The following SPI1 variants were observed in gnomAD, a reference collection of about 807,000 sequenced individuals.
SPI1 encodes the protein Spi-1 proto-oncogene, also known as transcription factor PU.1.
In SPI1, 3 loss-of-function variants were observed where a neutral mutation model predicts 30.7. The ratio of observed to expected loss-of-function variants is 0.10; its 90% confidence interval spans 0.04 to 0.25. SPI1 has a LOEUF of 0.25. Ranked by LOEUF, SPI1 falls within the 10% of genes least tolerant of loss-of-function variation. SPI1 has a pLI of 1.00. For missense variants in SPI1, 261 were observed against 371.5 expected (o/e 0.70, Z 2.45); for synonymous variants, 169 against 157.1 (o/e 1.08, Z -0.56).
At position 47,359,143 on chromosome 11, in the gene SPI1, A is replaced by C. The variant is rs866256764; in HGVS notation, c.331-137T>G. ...GCAGGCACAGGAGACTGGAGGAAGAAGACCAGGGAAAAGGGGGGCCAGTTG... is the reference window on the plus strand; with the variant it reads ...GCAGGCACAGGAGACTGGAGGAAGACGACCAGGGAAAAGGGGGGCCAGTTG... On this transcript the variant is annotated intron_variant, in intron 3 of 4. Transcript: ENST00000378538. The surrounding 1 kb of genome is among the most constrained non-coding windows in gnomAD (Gnocchi z 5.1). 1.2e-3 allele frequency: 544 copies of C among 469,672 alleles called. No individual in the cohort carries two copies. Among genetic ancestry groups the C allele is most frequent in the Non-Finnish European group, 1.7e-3 (479 of 277,068 alleles). 29.1% of individuals were successfully genotyped at this position (469,672 alleles called of 1,614,324 possible).
intron 1 of SPI1, among the ~76,000 whole-genome samples, chr11:47,376,271 C>G (rs1240956069): frequency 6.6e-6 from 1 of 152,034 alleles, no homozygotes; most frequent in African/African-American, 2.4e-5. Context: ...TTGACACTCA[C>G]ATGACACCAC....
chr11:47,362,608 C>T (rs2095922448), intron 2 of SPI1, among the ~76,000 whole-genome samples: 1 of 128,644 alleles, frequency 7.8e-6, no homozygotes, highest in African/African-American at 3.0e-5. Flanking sequence ...GATGAAGTCT[C>T]ACTCTTGCCC....
intron 2 of SPI1, among the ~76,000 whole-genome samples, chr11:47,368,965 G>T (rs1301225449): frequency 1.3e-5 from 2 of 152,198 alleles, no homozygotes; most frequent in Non-Finnish European, 2.9e-5. Flanking sequence ...AGAGTAATAG[G>T]CTGGGCATGG....
chr11:47,373,852 C>T (rs2095939025), intron 2 of SPI1, among the ~76,000 whole-genome samples: 1 of 152,160 alleles, frequency 6.6e-6, no homozygotes, highest in African/African-American at 2.4e-5. Flanking sequence ...TGCTTGGACC[C>T]TGAGCCACGA....
chr11:47,375,633 C>T lies in SPI1; in HGVS notation c.142G>A (p.Asp48Asn). 1.2e-6 allele frequency: 2 copies of T among 1,613,350 alleles called. No individual in the cohort carries two copies. Among genetic ancestry groups the T allele is most frequent in the Non-Finnish European group, 1.7e-6 (2 of 1,179,290 alleles). ...YLSSDGESHS[D>N]HYWDFHPHHV... ...GGGGCGTGGCAGGCCCCGTACTCACCGCTATGGCTCTCCCCATCACTGCTG... is the reference window on the plus strand; with the variant it reads ...GGGGCGTGGCAGGCCCCGTACTCACTGCTATGGCTCTCCCCATCACTGCTG... Residue 48 changes from aspartate (D) to asparagine (N), a missense_variant and splice_region_variant, in exon 2 of 5, where the codon GAC becomes AAC. Around this residue, in one of 5 missense-constraint regions of SPI1, gnomAD observed 78 missense variants for 93.2 expected, o/e 0.84. Coordinates refer to ENST00000378538, the MANE Select transcript of SPI1 (RefSeq NM_003120.3). This position sits in a 1 kb window ranked among gnomAD's most constrained non-coding sequence, Gnocchi z 4.2.
intron 2 of SPI1, among the ~76,000 whole-genome samples, chr11:47,372,728 GA>G (rs1224141545): frequency 6.6e-6 from 1 of 152,162 alleles, no homozygotes; most frequent in Non-Finnish European, 1.5e-5. Context: ...CTGCCTTGAG[GA>G]ATGCAGTGAA....
At chr11:47,362,375 G>T (rs1440160792) in intron 2 of SPI1, among the ~76,000 whole-genome samples, 1 of 151,982 alleles carries the variant, frequency 6.6e-6, no homozygotes, top group Admixed American at 6.6e-5. Context: ...TTTGAGACCG[G>T]CCTGGGCAAC....
intron 2 of SPI1, among the ~76,000 whole-genome samples, chr11:47,367,748 ATTTTTTTTTTTTTT>A (rs1173025260): frequency 3.1e-5 from 2 of 64,780 alleles, no homozygotes; most frequent in Admixed American, 2.2e-4. Context: ...TGATGGTTAA[ATTTTTTTTTTTTTT>A]TTTTTTTTTT....
rs748311895 is a variant in SPI1 at position 47,358,965 on chromosome 11, C to A, written c.372G>T (p.Leu124=). The change falls in exon 4 of 5, where the codon CTG becomes CTT. Residue 124 remains leucine (L), a synonymous_variant. Transcript: ENST00000378538. Reference sequence around the variant, plus strand: ...CATCTGAGCTGGGCTGGGCTGGGGACAGGGATGGGTACTGGAGGCACATCC... The same window carrying A: ...CATCTGAGCTGGGCTGGGCTGGGGAAAGGGATGGGTACTGGAGGCACATCC... ...LPRMCLQYPS[L]SPAQPSSDEE... 4.6e-5 allele frequency: 72 copies of A among 1,555,452 alleles called. No individual in the cohort carries two copies. The Middle Eastern group carries it at 5.2e-4, about 11-fold the overall frequency.
chr11:47,376,555 G>T (rs767434455), intron 1 of SPI1, among the ~76,000 whole-genome samples: 8 of 151,472 alleles, frequency 5.3e-5, no homozygotes, highest in Non-Finnish European at 8.8e-5. Flanking sequence ...CCTCCTCACT[G>T]CATCCCCCTC....
At position 47,358,832 on chromosome 11, in the gene SPI1, C is replaced by T. The variant is rs570902735; in HGVS notation, c.493+12G>A. The T allele has an allele frequency of 2.7e-4, 425 of 1,548,418 alleles. No individual in the cohort carries two copies. Among genetic ancestry groups the T allele is most frequent in the African/African-American group, 1.4e-5 (1 of 73,204 alleles). On this transcript the variant is annotated intron_variant, in intron 4 of 4. Transcript: ENST00000378538. Reference sequence around the variant, plus strand: ...CAGGGTCGGGGCCAGGGTGGAGGGCCAGGTGCCCCACCTGTCTCCCCAGGC... The same window carrying T: ...CAGGGTCGGGGCCAGGGTGGAGGGCTAGGTGCCCCACCTGTCTCCCCAGGC...
chr11:47,356,812 G>A (rs949277859), intron 4 of SPI1, among the ~76,000 whole-genome samples: 2 of 145,282 alleles, frequency 1.4e-5, no homozygotes, highest in Non-Finnish European at 3.0e-5. Context: ...GCACACACCT[G>A]CTTACACACA....
intron 4 of SPI1, 55 bp downstream of exon 4, chr11:47,358,789 G>A (rs3740688): frequency 6.5e-7 from 1 of 1,529,390 alleles, no homozygotes; most frequent in Non-Finnish European, 8.8e-7. Context: ...CTGGGTGGGG[G>A]CAGGGCACAG....
chr11:47,355,915 C>T (rs1017053891), intron 4 of SPI1, among the ~76,000 whole-genome samples: 1 of 150,768 alleles, frequency 6.6e-6, no homozygotes, highest in Non-Finnish European at 1.5e-5. Context: ...TCACACAACG[C>T]ACCTTCTCAC....
intron 2 of SPI1, among the ~76,000 whole-genome samples, chr11:47,369,504 G>A (rs2095932735): frequency 6.9e-6 from 1 of 144,724 alleles, no homozygotes; most frequent in Non-Finnish European, 1.5e-5. Flanking sequence ...TGAATCATGA[G>A]ACATTGGGAA....
chr11:47,358,303 A>G (rs1031703281), intron 4 of SPI1: 8 of 522,204 alleles, frequency 1.5e-5, no homozygotes, highest in African/African-American at 1.3e-4. Flanking sequence ...TCACTCACAC[A>G]TGCCTGCTTA....
intron 2 of SPI1, among the ~76,000 whole-genome samples, chr11:47,364,120 G>T (rs1810534394): frequency 2.2e-3 from 1 of 458 alleles, no homozygotes; most frequent in African/African-American, 9.8e-3. Flanking sequence ...GCACGATCTT[G>T]GCTCACTGCA....
rs1057221 is a variant in SPI1 at position 47,355,099 on chromosome 11, G to A, written c.*128C>T. 3.1e-6 allele frequency: 2 copies of A among 636,048 alleles called. No individual in the cohort carries two copies. The highest frequency in any genetic ancestry group is 4.4e-6 in the Non-Finnish European group (2 of 451,074). 39.4% of individuals were successfully genotyped at this position (636,048 alleles called of 1,614,324 possible). ...TGGAGTGGGGGGAGGGGGCGGGTGA[G>A]GCGAGGCCCGGCCCGCCACAGTCCT... On this transcript the variant is annotated 3_prime_UTR_variant, in exon 5 of 5. Coordinates refer to ENST00000378538, the MANE Select transcript of SPI1 (RefSeq NM_003120.3).
chr11:47,355,669 C>G, intron 4 of SPI1, 123 bp from the exon 5 acceptor site: 1 of 771,504 alleles, frequency 1.3e-6, no homozygotes. Flanking sequence ...AACGGCTGCC[C>G]CAGCCCGCGC....
Sources: gnomAD v4.1 joint callset for allele counts (sites outside exome capture counted in the v4.1 genomes callset) on GRCh38, gnomAD v4.1.1 for gene constraint, gnomAD v4.1.1 regional missense constraint, Gnocchi (gnomAD v3.1) non-coding constraint, MANE v1.5 for transcripts, NCBI Gene and HGNC (gene_info 2026-07-23, HGNC 2026-07-21) for gene names.